RGS6: variants seen among roughly 807,000 people sequenced by gnomAD.
RGS6 encodes regulator of G protein signaling 6, also known as regulator of G-protein signaling 6.
A neutral mutation model predicts 78.5 loss-of-function variants in RGS6; 30 were observed. The ratio of observed to expected loss-of-function variants is 0.38; its 90% CI spans 0.29 to 0.52. The LOEUF (loss-of-function observed/expected upper bound fraction) is 0.52, where lower values mean the gene tolerates loss of function less well. RGS6 is among the 20% of genes least tolerant of loss of function. RGS6 has a pLI of 0.85. For missense variants in RGS6, 495 were observed against 609.7 expected (o/e 0.81, Z 1.98); for synonymous variants, 206 against 206.0 (o/e 1.00, Z 0.00).
At chr14:72,114,226 C>T (rs147823004) in intron 2 of RGS6, among the ~76,000 whole-genome samples, 313 of 152,246 alleles carry the variant, frequency 2.1e-3, no homozygotes, top group African/African-American at 6.7e-3. Flanking sequence ...TTGTCAGCTT[C>T]GATCCTTGTT....
chr14:72,359,014 G>A (rs1388246903), intron 3 of RGS6, among the ~76,000 whole-genome samples: 3 of 152,198 alleles, frequency 2.0e-5, no homozygotes, highest in Non-Finnish European at 4.4e-5. Flanking sequence ...CATGAGATCT[G>A]ATAGTTTTAT....
At chr14:72,346,628 T>A (rs1045342149) in intron 2 of RGS6, among the ~76,000 whole-genome samples, 1 of 152,200 alleles carries the variant, frequency 6.6e-6, no homozygotes, top group African/African-American at 2.4e-5. Flanking sequence ...TTGTGAAGTC[T>A]CCAGTTTCAG....
intron 2 of RGS6, among the ~76,000 whole-genome samples, chr14:72,318,053 G>T (rs1220387477): frequency 6.6e-6 from 1 of 152,086 alleles, no homozygotes. Context: ...CCAAGCAGAG[G>T]CTGCCCCACC....
In RGS6 at chr14:72,189,314, T is replaced by C. The variant is rs115138532; in HGVS notation, c.85-162781T>C. 3.3e-3 allele frequency among the ~76,000 whole-genome samples: 508 copies of C among 152,326 alleles called. 2 individuals carry two copies. The highest frequency in any genetic ancestry group is 0.012 in the African/African-American group (498 of 41,570). On this transcript the variant is annotated intron_variant, in intron 2 of 17. Transcript: ENST00000553525. ...AAAACTTCTAGTATGTTAGGCCTTG[T>C]CCTGGTTGGCAGTAACATCAGCAAG... is the stretch of plus-strand genomic sequence containing the variant.
intron 2 of RGS6, among the ~76,000 whole-genome samples, chr14:72,242,750 GTA>G (rs1291683658): frequency 2.0e-5 from 3 of 150,662 alleles, no homozygotes; most frequent in Non-Finnish European, 4.4e-5. Context: ...GGTCACTACT[GTA>G]TGGACAAGGG....
intron 2 of RGS6, among the ~76,000 whole-genome samples, chr14:72,135,881 G>A (rs2096429959): frequency 6.6e-6 from 1 of 152,090 alleles, no homozygotes; most frequent in Admixed American, 6.6e-5. Flanking sequence ...GGAAGAGGAG[G>A]AGGAGAGGAG....
chr14:72,400,161 G>A (rs2092192310), intron 3 of RGS6, among the ~76,000 whole-genome samples: 3 of 152,186 alleles, frequency 2.0e-5, no homozygotes, highest in Admixed American at 2.0e-4. Flanking sequence ...CCCACAAAGG[G>A]AAGCCCATCA....
At chr14:72,624,778 C>T in the RGS6 span, among the ~76,000 whole-genome samples, 1 of 152,190 alleles carries the variant, frequency 6.6e-6, no homozygotes, top group Non-Finnish European at 1.5e-5. Context: ...TCAAAAAATC[C>T]AAGCCAGTGA....
chr14:72,309,417 A>G (rs1368822171), intron 2 of RGS6, among the ~76,000 whole-genome samples: 1 of 152,250 alleles, frequency 6.6e-6, no homozygotes, highest in Non-Finnish European at 1.5e-5. Context: ...CATTTAATGC[A>G]TGAATGACTA....
At position 72,495,190 on chromosome 14, in the gene RGS6, C is replaced by T; in HGVS notation, c.893C>T (p.Pro298Leu). Residue 298 changes from proline to leucine, a missense_variant, in exon 13 of 18, where the codon CCT (proline) becomes CTT (leucine). Transcript: ENST00000553525. Reference sequence around the variant, plus strand: ...ACGGAACAATATGTGGAATATGACCCTTTGATAACACCAGCTGAGCCATCC... The same window carrying T: ...ACGGAACAATATGTGGAATATGACCTTTTGATAACACCAGCTGAGCCATCC... ...AYTEQYVEYD[P>L]LITPAEPSNP... 1 of 1,613,640 alleles carries T rather than the reference C, an allele frequency of 6.2e-7. No individual in the cohort carries two copies. Among genetic ancestry groups the T allele is most frequent in the Non-Finnish European group, 8.5e-7 (1 of 1,179,598 alleles).
the RGS6 span, among the ~76,000 whole-genome samples, chr14:72,582,722 G>T: frequency 6.6e-6 from 1 of 152,156 alleles, no homozygotes; most frequent in Non-Finnish European, 1.5e-5. Flanking sequence ...TCAGCATGTA[G>T]TGTAGCATGA....
At chr14:72,467,228 C>A (rs2095941366) in intron 7 of RGS6, among the ~76,000 whole-genome samples, 1 of 152,164 alleles carries the variant, frequency 6.6e-6, no homozygotes, top group South Asian at 2.1e-4. Flanking sequence ...CTTATACCTT[C>A]TACTTCCCTC....
intron 12 of RGS6, among the ~76,000 whole-genome samples, chr14:72,486,773 G>C: frequency 6.6e-6 from 1 of 152,132 alleles, no homozygotes; most frequent in Non-Finnish European, 1.5e-5. Context: ...GGAAGCTCTA[G>C]CTACCAGGCA....
chr14:72,466,257 C>T (rs1197038390), intron 7 of RGS6, among the ~76,000 whole-genome samples: 1 of 152,148 alleles, frequency 6.6e-6, no homozygotes, highest in African/African-American at 2.4e-5. Context: ...GGAAGTAGAA[C>T]AACTGGAACT....
chr14:72,025,875 G>A lies in RGS6; in HGVS notation c.84+61000G>A, dbSNP rs146206288. ...AAAGCCCATGTGTGGTTATAAAGCC[G>A]TGTTCTTACCACTATATTATGCTGT... On this transcript the variant is annotated intron_variant, in intron 2 of 17. Transcript: ENST00000553525. Among the ~76,000 whole-genome samples the A allele has an allele frequency of 6.6e-3, 1,001 of 152,204 alleles. 4 individuals are homozygous for A. Among genetic ancestry groups the A allele is most frequent in the South Asian group, 0.021 (102 of 4,810 alleles).
At chr14:72,243,265 C>T (rs1314109706) in intron 2 of RGS6, among the ~76,000 whole-genome samples, 1 of 152,168 alleles carries the variant, frequency 6.6e-6, no homozygotes, top group Non-Finnish European at 1.5e-5. Flanking sequence ...TTAATTCCTC[C>T]TTATTTTGAT....
chr14:71,988,624 G>A (rs2094823622), intron 2 of RGS6, among the ~76,000 whole-genome samples: 2 of 152,062 alleles, frequency 1.3e-5, no homozygotes. Context: ...TATGACCGGT[G>A]AAGCCTAAAA....
chr14:72,456,303 GT>G (rs1390355832), intron 4 of RGS6, among the ~76,000 whole-genome samples: 1 of 152,032 alleles, frequency 6.6e-6, no homozygotes, highest in Admixed American at 6.6e-5. Flanking sequence ...TTATTTTTTG[GT>G]TTTTGAGGCA....
chr14:72,614,037 G>T, the RGS6 span, among the ~76,000 whole-genome samples: 1 of 152,110 alleles, frequency 6.6e-6, no homozygotes, highest in African/African-American at 2.4e-5. Context: ...CCTAGGAAGG[G>T]GTTCCCAGCT....
Sources: allele counts gnomAD v4.1 joint callset (sites outside exome capture counted in the v4.1 genomes callset), GRCh38; gene constraint gnomAD v4.1.1; transcripts MANE v1.5; gene names NCBI Gene and HGNC (gene_info 2026-07-23, HGNC 2026-07-21).